CCDC191: variants seen among roughly 807,000 people sequenced by gnomAD.
The protein encoded by CCDC191 is coiled-coil domain containing 191.
Under a neutral mutation model 114.0 loss-of-function variants are expected in CCDC191, and 99 were observed. The ratio of observed to expected loss-of-function variants is 0.87; its 90% CI spans 0.74 to 1.03. The LOEUF (loss-of-function observed/expected upper bound fraction) is 1.03, where lower values mean the gene tolerates loss of function less well. Ranked by LOEUF, CCDC191 falls within the 50% of genes least tolerant of loss-of-function variation. The pLI, the probability that CCDC191 is intolerant of heterozygous loss-of-function variation, is 0.00. For synonymous variants in CCDC191, 351 were observed against 376.0 expected, an observed-to-expected ratio of 0.93 and a Z score of 0.77; for missense variants, 973 against 1,087.0, an observed-to-expected ratio of 0.90 and a Z score of 1.47.
chr3:113,976,527 G>A (rs980519098), intron 16 of CCDC191, among the ~76,000 whole-genome samples: 1 of 151,780 alleles, frequency 6.6e-6, no homozygotes, highest in Non-Finnish European at 1.5e-5. Flanking sequence ...GATGGTTTGT[G>A]CAAAAGCCCC....
intron 6 of CCDC191, among the ~76,000 whole-genome samples, chr3:114,032,602 T>G (rs547505912): frequency 2.6e-5 from 4 of 152,344 alleles, no homozygotes; most frequent in Admixed American, 2.6e-4. Flanking sequence ...TCTTGAACTT[T>G]TAGTTCACAG....
intron 16 of CCDC191, among the ~76,000 whole-genome samples, chr3:113,970,353 G>C (rs868087840): frequency 6.6e-6 from 1 of 151,852 alleles, no homozygotes; most frequent in Non-Finnish European, 1.5e-5. Flanking sequence ...TTAAAGACAG[G>C]GTTTCTCTGT....
intron 11 of CCDC191, 169 bp from the exon 12 acceptor site, chr3:114,002,707 ATACTC>A (rs2075878141): frequency 5.5e-6 from 5 of 907,122 alleles, no homozygotes; most frequent in Non-Finnish European, 6.6e-6. Flanking sequence ...CAGAACTTAT[ATACTC>A]TACAGGTTAA....
chr3:114,033,893 G>C (rs2107731369), intron 6 of CCDC191, among the ~76,000 whole-genome samples: 1 of 152,258 alleles, frequency 6.6e-6, no homozygotes, highest in East Asian at 1.9e-4. Flanking sequence ...AGAGCACAGG[G>C]GGGAAAGCTG....
intron 9 of CCDC191, 83 bp downstream of exon 9, chr3:114,010,689 G>A (rs1356150816): frequency 1.4e-6 from 2 of 1,385,512 alleles, no homozygotes; most frequent in South Asian, 1.4e-5. Context: ...CCTAGACAAA[G>A]CAATCTGACA....
At chr3:114,035,911 T>A (rs920021053) in intron 5 of CCDC191, among the ~76,000 whole-genome samples, 1 of 152,212 alleles carries the variant, frequency 6.6e-6, no homozygotes, top group African/African-American at 2.4e-5. Flanking sequence ...TCCCCAGTGC[T>A]GATTACATAT....
rs2076465853 is a variant in CCDC191, at chr3:114,035,164, A to G, written c.595-16T>C. 1 of 1,582,394 alleles carries G rather than the reference A, an allele frequency of 6.3e-7. No homozygotes were observed. Among genetic ancestry groups the G allele is most frequent in the African/African-American group, 1.4e-5 (1 of 73,924 alleles). ...TTTCTTTTACCTTAAAGCAAATATA[A>G]TAAAGATGAAGTGTGGCCTTTCAAG... On this transcript the variant is annotated splice_polypyrimidine_tract_variant and intron_variant, in intron 5 of 16. Coordinates refer to ENST00000295878, the MANE Select transcript of CCDC191 (RefSeq NM_020817.2).
At chr3:114,037,102 CA>C (rs539414997) in intron 4 of CCDC191, 26 of 162,052 alleles carry the variant, frequency 1.6e-4, no homozygotes, top group Middle Eastern at 2.8e-3. Flanking sequence ...CTACTGCTTT[CA>C]AAAAAAAGAA....
In CCDC191 at chr3:114,001,688, T is replaced by G; in HGVS notation, c.2070A>C (p.Leu690Phe). ...TCTGACGTTCCTCCTCTTGGGCCTT[T>G]AACTGGGCCTGATTGAGATTAGAAC... ...KKQEEEKLAQ[L>F]KAQEEERQKR... Residue 690 changes from leucine (L) to phenylalanine (F), a missense_variant, in exon 13 of 17, where the codon TTA becomes TTC. Leu to Phe is a conservative substitution (Grantham distance 22). Coordinates refer to ENST00000295878, the MANE Select transcript of CCDC191 (RefSeq NM_020817.2). The G allele has an allele frequency of 6.2e-7, 1 of 1,613,838 alleles. No homozygotes were observed. Among genetic ancestry groups the G allele is most frequent in the South Asian group, 1.1e-5 (1 of 91,056 alleles).
At chr3:114,050,100 G>T (rs1340607369) in intron 2 of CCDC191, among the ~76,000 whole-genome samples, 1 of 152,174 alleles carries the variant, frequency 6.6e-6, no homozygotes, top group Non-Finnish European at 1.5e-5. Context: ...CTTCAAAAGC[G>T]TATCATAGTA....
intron 5 of CCDC191, 31 bp downstream of exon 5, chr3:114,036,577 T>A: frequency 6.7e-7 from 1 of 1,501,134 alleles, no homozygotes; most frequent in Non-Finnish European, 9.0e-7. Flanking sequence ...TGCTTCCTGT[T>A]ATCCATTTTA....
intron 13 of CCDC191, among the ~76,000 whole-genome samples, chr3:114,001,170 C>A (rs1156937758): frequency 6.6e-6 from 1 of 152,170 alleles, no homozygotes; most frequent in Non-Finnish European, 1.5e-5. Context: ...TCATTAAACA[C>A]ATATCTGCTG....
chr3:113,976,640 T>TA (rs561923981), intron 16 of CCDC191, among the ~76,000 whole-genome samples: 2,765 of 131,146 alleles, frequency 0.021, 28 homozygotes, highest in Middle Eastern at 0.044. Flanking sequence ...GACACTAAAC[T>TA]AAAAAAAAAA....
intron 7 of CCDC191, among the ~76,000 whole-genome samples, chr3:114,030,151 T>A (rs1230482444): frequency 1.3e-5 from 2 of 152,218 alleles, no homozygotes; most frequent in Admixed American, 1.3e-4. Context: ...TGCACTATTT[T>A]TGCAGCTTTT....
At chr3:114,029,799 A>C (rs969477001) in intron 7 of CCDC191, among the ~76,000 whole-genome samples, 1 of 151,932 alleles carries the variant, frequency 6.6e-6, no homozygotes, top group Admixed American at 6.6e-5. Context: ...GGGAGAAAAC[A>C]TAAAAAAAAC....
chr3:114,005,548 G>C lies in CCDC191; in HGVS notation c.1828C>G (p.Pro610Ala), dbSNP rs2075939547. The C allele has an allele frequency of 6.2e-7, 1 of 1,613,596 alleles. No homozygotes were observed. Among genetic ancestry groups the C allele is most frequent in the Non-Finnish European group, 8.5e-7 (1 of 1,179,876 alleles). Residue 610 changes from proline (P) to alanine (A), a missense_variant, in exon 10 of 17, where the codon CCC (proline) becomes GCC (alanine). Pro to Ala is a conservative substitution (Grantham distance 27). Transcript: ENST00000295878. Reference protein sequence around the residue: ...TEAQSHLLSKPREEEPRTCQM... With the variant: ...TEAQSHLLSKAREEEPRTCQM... ...CAGGTTCTTGGTTCCTCTTCTCTGG[G>C]CTTTGACAGCAGGTGGCTCTGTGCT...
chr3:113,997,368 T>C (rs2075749615), intron 13 of CCDC191, among the ~76,000 whole-genome samples: 1 of 152,240 alleles, frequency 6.6e-6, no homozygotes, highest in African/African-American at 2.4e-5. Flanking sequence ...TACAGATAGG[T>C]GTGTATACAT....
In CCDC191 at chr3:114,035,043, C is replaced by A. The variant is rs142468996; in HGVS notation, c.700G>T (p.Glu234Ter). Residue 234 changes from glutamate to a stop codon, truncating the protein, a stop_gained, in exon 6 of 17, where the codon GAG becomes TAG. Coordinates refer to ENST00000295878, the MANE Select transcript of CCDC191 (RefSeq NM_020817.2). LOFTEE classifies it high-confidence loss of function. ...FLEAQCLVQE[E>*]KKRKALEAKK... ...GCCTCCAGAGCCTTCCTTTTCTTCT[C>A]TTCTTGCACCAGACACTGAGCCTCC... The A allele has an allele frequency of 2.4e-4, 393 of 1,614,022 alleles. 3 individuals carry two copies. Among genetic ancestry groups the A allele is most frequent in the Admixed American group, 5.0e-4 (30 of 59,998 alleles).
intron 2 of CCDC191, among the ~76,000 whole-genome samples, chr3:114,047,673 A>T (rs1266563538): frequency 1.3e-5 from 2 of 152,046 alleles, no homozygotes; most frequent in Non-Finnish European, 2.9e-5. Context: ...AAATAAATAA[A>T]TTTAATTAAA....
Sources: gnomAD v4.1 joint callset for allele counts (sites outside exome capture counted in the v4.1 genomes callset) on GRCh38, gnomAD v4.1.1 for gene constraint, MANE v1.5 for transcripts, NCBI Gene and HGNC (gene_info 2026-07-23, HGNC 2026-07-21) for gene names.